The following C4BPA variants were observed in gnomAD, a reference collection of about 807,000 sequenced individuals.
The protein encoded by C4BPA is C4b-binding protein alpha chain.
In C4BPA, 31 loss-of-function variants were observed where a neutral mutation model predicts 63.7. The ratio of observed to expected loss-of-function variants is 0.49; its 90% confidence interval spans 0.37 to 0.66. The LOEUF (loss-of-function observed/expected upper bound fraction) is 0.66, where lower values mean the gene tolerates loss of function less well. C4BPA is among the 30% of genes least tolerant of loss of function. The pLI is 0.00. For synonymous variants in C4BPA, 259 were observed against 254.7 expected (o/e 1.02, Z -0.16); for missense variants, 572 against 723.3 (o/e 0.79, Z 2.40).
intron 7 of C4BPA, among the ~76,000 whole-genome samples, chr1:207,129,739 A>G (rs1685122352): frequency 6.6e-6 from 1 of 152,204 alleles, no homozygotes; most frequent in Non-Finnish European, 1.5e-5. Context: ...ACTTACATAT[A>G]TTACAAACTG....
At chr1:207,126,111 C>T (rs1414055503) in intron 6 of C4BPA, among the ~76,000 whole-genome samples, 2 of 151,862 alleles carry the variant, frequency 1.3e-5, no homozygotes, top group Non-Finnish European at 2.9e-5. Context: ...TATGTTTCTG[C>T]TGGGTTATGT....
In C4BPA at chr1:207,141,262, C is replaced by A; in HGVS notation, c.1430C>A (p.Ala477Asp). 1 of 1,612,836 alleles carries A rather than the reference C, an allele frequency of 6.2e-7. No homozygotes were observed. Among genetic ancestry groups the A allele is most frequent in the Non-Finnish European group, 8.5e-7 (1 of 1,179,556 alleles). The change falls in exon 10 of 12, where the codon GCC becomes GAC. Residue 477 changes from alanine to aspartate, a missense_variant. Physicochemically the swap from Ala to Asp is moderately radical, Grantham distance 126 (BLOSUM62 -2). Transcript: ENST00000367070. Reference sequence around the variant, plus strand: ...AGTTATTCACACTGGTCAGCTCCAGCCCCTCAATGTAAAGGTAACTCCAGC... The same window carrying A: ...AGTTATTCACACTGGTCAGCTCCAGACCCTCAATGTAAAGGTAACTCCAGC... ...SCSYSHWSAP[A>D]PQCKALCRKP...
intron 4 of C4BPA, among the ~76,000 whole-genome samples, chr1:207,122,761 A>T (rs932477409): frequency 9.2e-5 from 14 of 152,030 alleles, no homozygotes; most frequent in African/African-American, 3.4e-4. Flanking sequence ...TTTAATAGAG[A>T]TGGGGTTTTG....
intron 6 of C4BPA, among the ~76,000 whole-genome samples, chr1:207,125,620 C>T (rs920324967): frequency 6.6e-6 from 1 of 152,068 alleles, no homozygotes; most frequent in Non-Finnish European, 1.5e-5. Context: ...TCATCCCTTC[C>T]CCCATGTGAG....
intron 4 of C4BPA, among the ~76,000 whole-genome samples, chr1:207,123,453 A>T (rs1243058889): frequency 6.6e-6 from 1 of 152,192 alleles, no homozygotes; most frequent in Non-Finnish European, 1.5e-5. Context: ...CAGGAAGACG[A>T]ACTGAGGAAA....
chr1:207,134,510 T>C lies in C4BPA; in HGVS notation c.1191T>C (p.Phe397=). The change falls in exon 9 of 12, where the codon TTT becomes TTC. Residue 397 remains phenylalanine, a synonymous_variant. Transcript: ENST00000367070. The part of the protein sequence containing the change: ...CVYFYGDEIS[F]SCHETSRFSA... ...ATTTCTATGGAGATGAGATTTCATT[T>C]TCATGTCATGAGACCAGTAGGTTTT... is the stretch of plus-strand genomic sequence containing the variant. 6.2e-7 allele frequency: 1 copy of C among 1,613,952 alleles called. No homozygotes were observed.
At position 207,114,251 on chromosome 1, in the gene C4BPA, T is replaced by G; in HGVS notation, c.294T>G (p.Ser98=). 2 of 1,613,436 alleles carry G rather than the reference T, an allele frequency of 1.2e-6. No homozygotes were observed. The highest frequency in any genetic ancestry group is 1.7e-6 in the Non-Finnish European group (2 of 1,179,564). Residue 98 remains serine, a synonymous_variant, in exon 3 of 12, where the codon TCT becomes TCG. Coordinates refer to ENST00000367070, the MANE Select transcript of C4BPA (RefSeq NM_000715.4). ...SHSTQTLTCN[S]DGEWVYNTFC... is the part of the protein sequence containing the mutation. ...CAACTCAGACGCTTACCTGTAATTC[T>G]GATGGCGAATGGGTGTATAACACCT...
intron 4 of C4BPA, among the ~76,000 whole-genome samples, chr1:207,118,481 GGGA>G (rs1446361787): frequency 1.3e-5 from 2 of 152,150 alleles, no homozygotes; most frequent in Non-Finnish European, 2.9e-5. Context: ...CATGGCGGCA[GGGA>G]GGAGAAGTGT....
intron 7 of C4BPA, among the ~76,000 whole-genome samples, chr1:207,130,547 C>A (rs985310524): frequency 6.6e-6 from 1 of 151,884 alleles, no homozygotes; most frequent in African/African-American, 2.4e-5. Context: ...ACCCAAATGC[C>A]CATCAAATGA....
chr1:207,118,458 G>A (rs1684859693), intron 4 of C4BPA, among the ~76,000 whole-genome samples: 1 of 152,156 alleles, frequency 6.6e-6, no homozygotes, highest in Non-Finnish European at 1.5e-5. Context: ...GGGGAAGAAA[G>A]GCACCTTCTT....
chr1:207,109,541 G>C (rs1044797322), intron 1 of C4BPA, among the ~76,000 whole-genome samples: 11 of 152,354 alleles, frequency 7.2e-5, no homozygotes, highest in Middle Eastern at 3.4e-3. Context: ...CCATGTGGTA[G>C]AGCCAGGACG....
At chr1:207,118,435 C>T (rs1469559190) in intron 4 of C4BPA, among the ~76,000 whole-genome samples, 5 of 152,092 alleles carry the variant, frequency 3.3e-5, no homozygotes, top group South Asian at 4.1e-4. Context: ...TTACAATCAT[C>T]GCAGAAGGCA....
chr1:207,124,163 C>A lies in C4BPA; in HGVS notation c.515-12C>A. 1 of 1,609,626 alleles carries A rather than the reference C, an allele frequency of 6.2e-7. No homozygotes were observed. The stretch of plus-strand genomic sequence containing the variant: ...CGCTGAGTATTTCTTTCTCTTCACT[C>A]ACTTACCTCAGTTGTCAAGTGTAAG... On this transcript the variant is annotated splice_polypyrimidine_tract_variant and intron_variant, in intron 5 of 11. Coordinates refer to ENST00000367070, the MANE Select transcript of C4BPA (RefSeq NM_000715.4).
chr1:207,128,270 G>A lies in C4BPA; in HGVS notation c.889+1375G>A, dbSNP rs141275931. 9.3e-4 allele frequency among the ~76,000 whole-genome samples: 141 copies of A among 152,288 alleles called. 1 individual carries two copies. The highest frequency in any genetic ancestry group is 6.0e-3 in the East Asian group (31 of 5,184). ...GGAATATGTGTACTTGGTGGTGGGC[G>A]CAGCTGGGTGGCAGTGCCAGTTCCT... On this transcript the variant is annotated intron_variant, in intron 7 of 11. Coordinates refer to ENST00000367070, the MANE Select transcript of C4BPA (RefSeq NM_000715.4).
At chr1:207,118,933 A>T (rs1439620243) in intron 4 of C4BPA, among the ~76,000 whole-genome samples, 1 of 152,182 alleles carries the variant, frequency 6.6e-6, no homozygotes, top group Admixed American at 6.5e-5. Flanking sequence ...AATGGTGTTT[A>T]CAGGAGGCTG....
intron 1 of C4BPA, among the ~76,000 whole-genome samples, chr1:207,105,595 GA>G (rs1264763071): frequency 6.6e-6 from 1 of 151,392 alleles, no homozygotes; most frequent in Non-Finnish European, 1.5e-5. Context: ...GAGATTCTAG[GA>G]AGGGTGGGGA....
intron 4 of C4BPA, among the ~76,000 whole-genome samples, chr1:207,121,628 T>C (rs1420828473): frequency 6.6e-6 from 1 of 152,118 alleles, no homozygotes; most frequent in Non-Finnish European, 1.5e-5. Context: ...GGTTTTATCA[T>C]ATTATTTCAT....
rs775226640 is a variant in C4BPA, at chr1:207,131,571, T to A, written c.915T>A (p.Ile305=). ...ATAGTTGTATTAATTTACCAGACAT[T>A]CCACATGCTTCCTGGGAAACATATC... ...EPNSCINLPD[I]PHASWETYPR... is the part of the protein sequence containing the mutation. The change falls in exon 8 of 12, where the codon ATT becomes ATA. Residue 305 remains isoleucine, a synonymous_variant. Transcript: ENST00000367070. 5.6e-6 allele frequency: 9 copies of A among 1,611,492 alleles called. No homozygotes were observed. The Admixed American group carries it at 1.5e-4, about 27-fold the overall frequency.
intron 4 of C4BPA, among the ~76,000 whole-genome samples, chr1:207,121,316 T>C (rs1684917732): frequency 6.6e-6 from 1 of 152,202 alleles, no homozygotes; most frequent in Non-Finnish European, 1.5e-5. Flanking sequence ...ATACATATTT[T>C]GCTACATAAA....
Sources: gnomAD v4.1 joint callset for allele counts (sites outside exome capture counted in the v4.1 genomes callset) on GRCh38, gnomAD v4.1.1 for gene constraint, MANE v1.5 for transcripts, NCBI Gene and HGNC (gene_info 2026-07-23, HGNC 2026-07-21) for gene names.